The following TOM1L2 variants were observed in gnomAD, a reference collection of about 807,000 sequenced individuals.
TOM1L2 encodes the protein TOM1-like protein 2.
In TOM1L2, 31 loss-of-function variants were observed where a neutral mutation model predicts 67.9. The observed-to-expected ratio is 0.46, with a 90% CI of 0.34 to 0.62. The LOEUF is 0.62. Ranked by LOEUF, TOM1L2 falls within the 20% of genes least tolerant of loss-of-function variation. The pLI, the probability that TOM1L2 is intolerant of heterozygous loss-of-function variation, is 0.01. For missense variants in TOM1L2, 606 were observed against 663.5 expected, an observed-to-expected ratio of 0.91 and a Z score of 0.95; for synonymous variants, 256 against 254.0, an observed-to-expected ratio of 1.01 and a Z score of -0.07.
chr17:17,881,613 T>C (rs2037728213), intron 6 of TOM1L2, among the ~76,000 whole-genome samples: 1 of 152,166 alleles, frequency 6.6e-6, no homozygotes. Flanking sequence ...TGAGGACCTC[T>C]TCCATCTGCC....
Position 17,869,382 on chromosome 17 carries a change from T to C in TOM1L2, c.869A>G (p.His290Arg), listed in dbSNP as rs752915063. 3 of 1,613,036 alleles carry C rather than the reference T, an allele frequency of 1.9e-6. No individual in the cohort carries two copies. The highest frequency in any genetic ancestry group is 1.7e-5 in the Admixed American group (1 of 60,012). ...GACGTTGTTGAGGTCATCGTTCACA[T>C]GCAGCAGCTCCTCGGTGACCTCCTC... is the stretch of plus-strand genomic sequence containing the variant. Reference protein sequence around the residue: ...SNEEVTEELLHVNDDLNNVFL... With the variant: ...SNEEVTEELLRVNDDLNNVFL... Residue 290 changes from histidine (H) to arginine (R), a missense_variant, in exon 8 of 15, where the codon CAT becomes CGT. Physicochemically the swap from His to Arg is conservative, Grantham distance 29 (BLOSUM62 0). Coordinates refer to ENST00000379504, the MANE Select transcript of TOM1L2 (RefSeq NM_001082968.2).
chr17:17,917,588 C>CA (rs913325126), intron 1 of TOM1L2, among the ~76,000 whole-genome samples: 4 of 150,938 alleles, frequency 2.7e-5, no homozygotes, highest in African/African-American at 9.7e-5. Context: ...TGCATGCCAC[C>CA]ATGCCTGGCT....
intron 3 of TOM1L2, among the ~76,000 whole-genome samples, 178 bp downstream of exon 3, chr17:17,898,418 C>T (rs2038683358): frequency 6.6e-6 from 1 of 152,222 alleles, no homozygotes; most frequent in East Asian, 1.9e-4. Flanking sequence ...CTCCCTGTTT[C>T]AGAGGACAGG....
chr17:17,850,203 G>A (rs534813857), intron 13 of TOM1L2, among the ~76,000 whole-genome samples: 19 of 152,272 alleles, frequency 1.2e-4, no homozygotes, highest in Admixed American at 1.0e-3. Flanking sequence ...TTCTTCATCC[G>A]CCACCCTGGC....
rs778207737 is a variant in TOM1L2 at position 17,882,909 on chromosome 17, ATAGC to A, written c.502-50_502-47del. 29 of 1,606,912 alleles carry A rather than the reference ATAGC, an allele frequency of 1.8e-5. No homozygotes were observed. In the South Asian group the frequency reaches 3.2e-4, roughly 18 times the overall value. On this transcript the variant is annotated intron_variant, in intron 5 of 14. Transcript: ENST00000379504. Reference sequence around the variant, plus strand: ...TCCTCTGTTTACCTGGGCTGCCTGCATAGCTGGACCTGGTACCTACCCCACCCCA... The same window carrying A: ...TCCTCTGTTTACCTGGGCTGCCTGCATGGACCTGGTACCTACCCCACCCCA...
At chr17:17,875,532 G>C (rs1388809665) in intron 7 of TOM1L2, among the ~76,000 whole-genome samples, 3 of 152,206 alleles carry the variant, frequency 2.0e-5, no homozygotes, top group African/African-American at 7.2e-5. Flanking sequence ...AGCCAGGACA[G>C]GAATTTCCTA....
At chr17:17,866,033 C>T (rs982510154) in intron 10 of TOM1L2, among the ~76,000 whole-genome samples, 1 of 152,176 alleles carries the variant, frequency 6.6e-6, no homozygotes, top group African/African-American at 2.4e-5. Flanking sequence ...TGAGCCACTG[C>T]GCACGGCCGT....
At chr17:17,882,225 T>G (rs1025584718) in intron 6 of TOM1L2, among the ~76,000 whole-genome samples, 1 of 152,184 alleles carries the variant, frequency 6.6e-6, no homozygotes, top group Non-Finnish European at 1.5e-5. Context: ...CTCTGCATGA[T>G]AGACAAGCCC....
chr17:17,903,580 T>C lies in TOM1L2; in HGVS notation c.137+3867A>G, dbSNP rs189317890. 2.7e-3 allele frequency among the ~76,000 whole-genome samples: 376 copies of C among 140,118 alleles called. 10 individuals are homozygous for C. The East Asian group carries it at 0.066, about 25-fold the overall frequency. 91.9% of individuals were successfully genotyped at this position (140,118 alleles called of 152,430 possible). Reference sequence around the variant, plus strand: ...GTGAGCCGAGATCGCGCCACTGCACTCCAGCCTGGGCGACAGAGCGAGACT... The same window carrying C: ...GTGAGCCGAGATCGCGCCACTGCACCCCAGCCTGGGCGACAGAGCGAGACT... On this transcript the variant is annotated intron_variant, in intron 2 of 14. Transcript: ENST00000379504.
chr17:17,901,652 C>T (rs1481925338), intron 2 of TOM1L2, among the ~76,000 whole-genome samples: 5 of 152,210 alleles, frequency 3.3e-5, no homozygotes, highest in Admixed American at 2.0e-4. Context: ...CATGCCCTCC[C>T]CATTATTATC....
At chr17:17,925,308 G>C (rs1243440021) in intron 1 of TOM1L2, among the ~76,000 whole-genome samples, 5 of 151,872 alleles carry the variant, frequency 3.3e-5, no homozygotes, top group Admixed American at 3.3e-4. Context: ...AGAAAAAAAA[G>C]ACACAAAATT....
At chr17:17,930,527 T>TTC (rs1185174501) in intron 1 of TOM1L2, among the ~76,000 whole-genome samples, 2 of 152,134 alleles carry the variant, frequency 1.3e-5, no homozygotes, top group African/African-American at 2.4e-5. Context: ...TAAAATACCC[T>TTC]TCCCCAGCAG....
chr17:17,862,946 AG>A, intron 10 of TOM1L2, 98 bp from the exon 11 acceptor site: 2 of 307,744 alleles, frequency 6.5e-6, no homozygotes, highest in South Asian at 2.5e-5. Context: ...AGGTGGGTTT[AG>A]GTTCCATGGG....
At position 17,961,871 on chromosome 17, in the gene TOM1L2, C is replaced by CAAA. The variant is rs530184569; in HGVS notation, c.52+10388_52+10390dup. Among the ~76,000 whole-genome samples the CAAA allele has an allele frequency of 2.2e-3, 249 of 115,346 alleles. 2 individuals carry two copies. The highest frequency in any genetic ancestry group is 7.4e-3 in the African/African-American group (238 of 32,072). 75.7% of individuals were successfully genotyped at this position (115,346 alleles called of 152,430 possible). Reference sequence around the variant, plus strand: ...TGGGCAACAGAGCGAGACTCCGTCTCAAAAAAAAAAAAAAAATGAAAACAG... The same window carrying CAAA: ...TGGGCAACAGAGCGAGACTCCGTCTCAAAAAAAAAAAAAAAAAAATGAAAACAG... On this transcript the variant is annotated intron_variant, in intron 1 of 14. Coordinates refer to ENST00000379504, the MANE Select transcript of TOM1L2 (RefSeq NM_001082968.2).
intron 3 of TOM1L2, among the ~76,000 whole-genome samples, chr17:17,896,588 G>A (rs971473675): frequency 6.6e-6 from 1 of 152,214 alleles, no homozygotes; most frequent in Non-Finnish European, 1.5e-5. Context: ...TCCTCCCTGG[G>A]CTGGCAAGAG....
At chr17:17,925,240 T>C (rs1430117361) in intron 1 of TOM1L2, among the ~76,000 whole-genome samples, 2 of 152,060 alleles carry the variant, frequency 1.3e-5, no homozygotes, top group Admixed American at 6.6e-5. Context: ...AACAACCTAA[T>C]ACAGCCATTA....
At chr17:17,962,643 T>C (rs2041730963) in intron 1 of TOM1L2, among the ~76,000 whole-genome samples, 1 of 152,034 alleles carries the variant, frequency 6.6e-6, no homozygotes, top group South Asian at 2.1e-4. Context: ...GCCATTGAAC[T>C]GCACACTTAA....
At chr17:17,919,683 A>G (rs1346385115) in intron 1 of TOM1L2, among the ~76,000 whole-genome samples, 1 of 152,186 alleles carries the variant, frequency 6.6e-6, no homozygotes, top group East Asian at 1.9e-4. Context: ...CAAGTTCCCT[A>G]TGGGCAGTTT....
intron 1 of TOM1L2, among the ~76,000 whole-genome samples, chr17:17,913,161 T>TGAGAGGGAGACCGTGGAAACAGAGG: frequency 9.9e-5 from 11 of 111,544 alleles, no homozygotes; most frequent in African/African-American, 2.8e-4. Context: ...CGGCTCGGCA[T>TGAGAGGGAGACCGTGGAAACAGAGG]GAGAGGGAGA....
Sources: allele counts gnomAD v4.1 joint callset (sites outside exome capture counted in the v4.1 genomes callset), GRCh38; gene constraint gnomAD v4.1.1; transcripts MANE v1.5; gene names NCBI Gene and HGNC (gene_info 2026-07-23, HGNC 2026-07-21).